The following USP13 variants were observed in gnomAD, a reference collection of about 807,000 sequenced individuals.
The protein encoded by USP13 is ubiquitin specific peptidase 13.
Under a neutral mutation model 107.8 loss-of-function variants are expected in USP13, and 68 were observed. That is an observed-to-expected ratio of 0.63 (90% CI 0.52 to 0.77). The LOEUF (loss-of-function observed/expected upper bound fraction) is 0.77. Among genes scored for constraint, USP13 ranks in the 30% least tolerant of loss-of-function variants. The probability of loss-of-function intolerance (pLI) is 0.00; values close to 1 mark genes in which losing one functional copy is unlikely to be tolerated. For missense variants in USP13, 945 were observed against 1,093.3 expected (o/e 0.86, Z 1.91); for synonymous variants, 377 against 389.5 (o/e 0.97, Z 0.38).
rs71182509 is a variant in USP13, at chr3:179,687,659, CAAAAAAAAAA to C, written c.295-2565_295-2556del. Among the ~76,000 whole-genome samples the C allele has an allele frequency of 3.6e-3, 67 of 18,522 alleles. 6 individuals are homozygous for C. In the South Asian group the frequency reaches 0.11, roughly 32 times the overall value. 12.2% of individuals were successfully genotyped at this position (18,522 alleles called of 152,430 possible). A position where few individuals can be genotyped will look rare whatever the true frequency, so the allele number is the denominator to read the frequency against. ...GGGCAACAAGAGTGAAACTCTGTCT[CAAAAAAAAAA>C]AAAAAAAAAAAAAAAAGGACTAGTG... is the stretch of plus-strand genomic sequence containing the variant. On this transcript the variant is annotated intron_variant, in intron 2 of 20. Coordinates refer to ENST00000263966, the MANE Select transcript of USP13 (RefSeq NM_003940.3).
chr3:179,715,735 T>A (rs1713091446), intron 6 of USP13, among the ~76,000 whole-genome samples: 1 of 152,108 alleles, frequency 6.6e-6, no homozygotes, highest in African/African-American at 2.4e-5. Context: ...TGCAGATGGC[T>A]TAGAGGCACA....
intron 7 of USP13, among the ~76,000 whole-genome samples, chr3:179,720,268 T>C (rs1486546494): frequency 6.6e-6 from 1 of 152,238 alleles, no homozygotes; most frequent in African/African-American, 2.4e-5. Context: ...TCAAGTACTC[T>C]TTTGGTTTAG....
rs939474178 is a variant in USP13, at chr3:179,721,939, C to T, written c.1088+350C>T. On this transcript the variant is annotated intron_variant, in intron 8 of 20. Coordinates refer to ENST00000263966, the MANE Select transcript of USP13 (RefSeq NM_003940.3). This position sits in a 1 kb window ranked among gnomAD's most constrained non-coding sequence, Gnocchi z 4.3. ...CAAAAATTAGCCAGGGGTGGTGGTG[C>T]ACGCCTGTAATTCCAGCTACTCAGG... is the stretch of plus-strand genomic sequence containing the variant. Among the ~76,000 whole-genome samples the T allele has an allele frequency of 6.6e-5, 10 of 151,840 alleles. No individual in the cohort carries two copies. Among genetic ancestry groups the T allele is most frequent in the Admixed American group, 3.3e-4 (5 of 15,240 alleles).
chr3:179,758,990 C>T (rs1441288736), intron 16 of USP13, among the ~76,000 whole-genome samples: 2 of 149,352 alleles, frequency 1.3e-5, no homozygotes, highest in Non-Finnish European at 3.0e-5. Flanking sequence ...TTACACATTT[C>T]TTTTTTTTTG....
intron 16 of USP13, among the ~76,000 whole-genome samples, chr3:179,759,450 G>A (rs1321225786): frequency 2.0e-5 from 3 of 152,156 alleles, no homozygotes; most frequent in Non-Finnish European, 4.4e-5. Flanking sequence ...AGTCTTCACT[G>A]TGCTAATGCA....
chr3:179,745,215 G>C lies in USP13; in HGVS notation c.1707G>C (p.Val569=), dbSNP rs1714357656. ...CCCTACAAGCAAAGTCTGCGGGTGTGAAGTAAGTGTGTGTATATGTGGTGG... is the reference window on the plus strand; with the variant it reads ...CCCTACAAGCAAAGTCTGCGGGTGTCAAGTAAGTGTGTGTATATGTGGTGG... The part of the protein sequence containing the change: ...SSALQAKSAG[V]KTSRFASFPE... The change falls in exon 13 of 21, where the codon GTG becomes GTC. Residue 569 remains valine, a splice_region_variant and synonymous_variant. Coordinates refer to ENST00000263966, the MANE Select transcript of USP13 (RefSeq NM_003940.3). The C allele has an allele frequency of 1.3e-6, 2 of 1,552,194 alleles. No individual in the cohort carries two copies. The highest frequency in any genetic ancestry group is 2.8e-5 in the African/African-American group (2 of 71,842).
rs866918609 is a variant in USP13, at chr3:179,720,029, C to A, written c.895C>A (p.His299Asn). The stretch of plus-strand genomic sequence containing the variant: ...TTTTGGAATTGATATGCTTCATATG[C>A]ATGGGGTGAGGTCTCCTTTTGTTTC... Reference protein sequence around the residue: ...AHFGIDMLHMHGTENGLQDND... With the variant: ...AHFGIDMLHMNGTENGLQDND... Residue 299 changes from histidine to asparagine, a missense_variant, in exon 7 of 21, where the codon CAT (histidine) becomes AAT (asparagine). Physicochemically the swap from His to Asn is moderately conservative, Grantham distance 68. Transcript: ENST00000263966. The A allele has an allele frequency of 3.7e-6, 6 of 1,613,366 alleles. No individual in the cohort carries two copies. The African/African-American group carries it at 6.7e-5, about 18-fold the overall frequency.
chr3:179,758,696 T>C (rs932461246), intron 16 of USP13, among the ~76,000 whole-genome samples: 1 of 151,918 alleles, frequency 6.6e-6, no homozygotes, highest in East Asian at 2.0e-4. Context: ...GACGGGGTTT[T>C]ACCGTGTTAG....
At chr3:179,750,682 A>G (rs1714579477) in intron 13 of USP13, among the ~76,000 whole-genome samples, 1 of 152,204 alleles carries the variant, frequency 6.6e-6, no homozygotes, top group South Asian at 2.1e-4. Flanking sequence ...TACCTCTTTC[A>G]TGACAAAATA....
At chr3:179,680,684 A>G (rs1711619715) in intron 1 of USP13, among the ~76,000 whole-genome samples, 1 of 152,062 alleles carries the variant, frequency 6.6e-6, no homozygotes, top group Non-Finnish European at 1.5e-5. Context: ...CTGGGATTAC[A>G]GGCACGCACC....
intron 13 of USP13, among the ~76,000 whole-genome samples, chr3:179,746,980 A>G (rs1273240515): frequency 6.6e-6 from 1 of 152,238 alleles, no homozygotes; most frequent in African/African-American, 2.4e-5. Flanking sequence ...TTCAAAAAGG[A>G]AAAACAAGCC....
intron 19 of USP13, among the ~76,000 whole-genome samples, chr3:179,772,444 G>A (rs1715369751): frequency 1.3e-5 from 2 of 152,210 alleles, no homozygotes; most frequent in South Asian, 2.1e-4. Flanking sequence ...CGATGCTGCT[G>A]AGATTTTCCA....
chr3:179,684,278 C>CACACACACACAG lies in USP13; in HGVS notation c.294+2286_294+2287insGACACACACACA, dbSNP rs755609768. ...CTGGCAGTATCACCCTTTACACACA[C>CACACACACACAG]ACACACACACACACACACACACACA... On this transcript the variant is annotated intron_variant, in intron 2 of 20. Transcript: ENST00000263966. Among the ~76,000 whole-genome samples the CACACACACACAG allele has an allele frequency of 7.0e-3, 958 of 136,702 alleles. 6 individuals are homozygous for CACACACACACAG. Among genetic ancestry groups the CACACACACACAG allele is most frequent in the Non-Finnish European group, 0.01 (651 of 63,214 alleles). The allele number at this position is 136,702 out of a possible 152,430, so 89.7% of individuals were successfully genotyped here.
chr3:179,781,162 G>A (rs1462569273), intron 19 of USP13, among the ~76,000 whole-genome samples: 1 of 152,220 alleles, frequency 6.6e-6, no homozygotes, highest in African/African-American at 2.4e-5. Context: ...CATGAAGCCT[G>A]AAGTTTGGTC....
intron 1 of USP13, among the ~76,000 whole-genome samples, chr3:179,659,874 T>C (rs1720405650): frequency 6.6e-6 from 1 of 152,080 alleles, no homozygotes; most frequent in African/African-American, 2.4e-5. Flanking sequence ...AAACCCCGTC[T>C]CTACTAAAAA....
chr3:179,752,335 A>G lies in USP13; in HGVS notation c.1760A>G (p.Lys587Arg). 2 of 1,614,152 alleles carry G rather than the reference A, an allele frequency of 1.2e-6. No homozygotes were observed. The highest frequency in any genetic ancestry group is 1.7e-6 in the Non-Finnish European group (2 of 1,180,006). The change falls in exon 14 of 21, where the codon AAG becomes AGG. Residue 587 changes from lysine to arginine, a missense_variant. Lys to Arg is a conservative substitution (Grantham distance 26). Coordinates refer to ENST00000263966, the MANE Select transcript of USP13 (RefSeq NM_003940.3). Reference protein sequence around the residue: ...FPEYLVVQIKKFTFGLDWVPK... With the variant: ...FPEYLVVQIKRFTFGLDWVPK... Reference sequence around the variant, plus strand: ...GAATACTTGGTAGTGCAGATAAAGAAGTTCACTTTTGGTCTTGACTGGGTT... The same window carrying G: ...GAATACTTGGTAGTGCAGATAAAGAGGTTCACTTTTGGTCTTGACTGGGTT...
intron 19 of USP13, among the ~76,000 whole-genome samples, chr3:179,774,140 G>A (rs1411903821): frequency 1.3e-5 from 2 of 152,298 alleles, no homozygotes; most frequent in East Asian, 3.9e-4. Flanking sequence ...CGTGGCAAGA[G>A]AGAGAACAAG....
chr3:179,708,750 AC>A (rs1712813902), intron 5 of USP13, 22 bp from the exon 6 acceptor site: 1 of 1,612,962 alleles, frequency 6.2e-7, no homozygotes, highest in Non-Finnish European at 8.5e-7. Context: ...GGCTGTTCTG[AC>A]TACTCTCCAA....
At chr3:179,747,850 G>T (rs13097298) in intron 13 of USP13, among the ~76,000 whole-genome samples, 353 of 152,124 alleles carry the variant, frequency 2.3e-3, no homozygotes, top group African/African-American at 8.0e-3. Flanking sequence ...CTAGAATCCT[G>T]GAGGAGGGGT....
Sources: gnomAD v4.1 joint callset for allele counts (sites outside exome capture counted in the v4.1 genomes callset) on GRCh38, gnomAD v4.1.1 for gene constraint, Gnocchi (gnomAD v3.1) non-coding constraint, MANE v1.5 for transcripts, NCBI Gene and HGNC (gene_info 2026-07-23, HGNC 2026-07-21) for gene names.